The following SLC8A1 variants were observed in gnomAD, a reference collection of about 807,000 sequenced individuals.
SLC8A1 encodes the protein solute carrier family 8 member A1.
SLC8A1 carries 18 observed loss-of-function variants against 68.3 expected under a neutral mutation model. The ratio of observed to expected loss-of-function variants is 0.26; its 90% confidence interval spans 0.18 to 0.39. The LOEUF (loss-of-function observed/expected upper bound fraction) is 0.39. Ranked by LOEUF, SLC8A1 falls within the 10% of genes least tolerant of loss-of-function variation. The probability of loss-of-function intolerance (pLI) is 1.00; values close to 1 mark genes in which losing one functional copy is unlikely to be tolerated. For missense variants in SLC8A1, 985 were observed against 1,156.7 expected, an observed-to-expected ratio of 0.85 and a Z score of 2.15; for synonymous variants, 475 against 415.5, an observed-to-expected ratio of 1.14 and a Z score of -1.74.
chr2:40,153,420 A>C (rs1487554190), intron 6 of SLC8A1, among the ~76,000 whole-genome samples: 1 of 152,244 alleles, frequency 6.6e-6, no homozygotes, highest in Non-Finnish European at 1.5e-5. Context: ...CAACAAATAA[A>C]GAATTTAAAC....
rs564168848 is a variant in SLC8A1, at chr2:40,442,879, A to C, written c.-25+9025T>G. On this transcript the variant is annotated intron_variant, in intron 1 of 7. Coordinates refer to ENST00000406785, the Ensembl canonical transcript of SLC8A1. ...CAAATGCCCATCAACGAGAGGCTGG[A>C]TAAAGAAAATTTGGTACATAGACAC... Among the ~76,000 whole-genome samples, 3 of 152,334 alleles carry C rather than the reference A, an allele frequency of 2.0e-5. No individual in the cohort carries two copies. In the South Asian group the frequency reaches 6.2e-4, roughly 32 times the overall value.
rs533394215 is a variant in SLC8A1 at position 40,205,840 on chromosome 2, T to C, written c.1809-27985A>G. ...TGAAAAAAAAAAAAAAAAGAAAAAG[T>C]CTTCTCCTAAATTTAGGCAACATTC... On this transcript the variant is annotated intron_variant, in intron 2 of 7. Coordinates refer to ENST00000406785, the Ensembl canonical transcript of SLC8A1. Among the ~76,000 whole-genome samples, 27 of 145,160 alleles carry C rather than the reference T, an allele frequency of 1.9e-4. No individual in the cohort carries two copies. The East Asian group carries it at 5.3e-3, about 28-fold the overall frequency.
chr2:40,483,056 G>A (rs979831761), intron 1 of SLC8A1, among the ~76,000 whole-genome samples: 8 of 150,520 alleles, frequency 5.3e-5, no homozygotes, highest in African/African-American at 2.0e-4. Flanking sequence ...CGCCCGCCTC[G>A]GGCTCCCAAA....
chr2:40,262,544 TG>T (rs377262898), intron 2 of SLC8A1, among the ~76,000 whole-genome samples: 9 of 152,322 alleles, frequency 5.9e-5, no homozygotes, highest in Admixed American at 2.0e-4. Context: ...TCTATTGGTT[TG>T]TAAACCATCT....
chr2:40,446,442 G>A (rs532156453), intron 1 of SLC8A1: 1 of 152,314 alleles, frequency 6.6e-6, no homozygotes, highest in Non-Finnish European at 1.5e-5. Context: ...GGGGCTCTTT[G>A]ACATGTTTCA....
chr2:40,315,149 T>C (rs575654466), intron 2 of SLC8A1, among the ~76,000 whole-genome samples: 5 of 152,130 alleles, frequency 3.3e-5, no homozygotes, highest in South Asian at 4.1e-4. Flanking sequence ...CTTTATTAGG[T>C]TGAAGAAGTT....
Position 40,116,222 on chromosome 2 carries a change from A to T in SLC8A1, c.2438-593T>A, listed in dbSNP as rs2035335424. On this transcript the variant is annotated intron_variant, in intron 7 of 7. Coordinates refer to ENST00000406785, the Ensembl canonical transcript of SLC8A1. ...GTGGAATTGAAAACAATTGAACTAT[A>T]ATAGAGTAGCTGACATTTGCTTAGA... Among the ~76,000 whole-genome samples the T allele has an allele frequency of 2.0e-5, 3 of 152,260 alleles. No homozygotes were observed. In the South Asian group the frequency reaches 6.2e-4, roughly 32 times the overall value.
At chr2:40,292,613 T>C (rs1164053324) in intron 2 of SLC8A1, among the ~76,000 whole-genome samples, 1 of 152,152 alleles carries the variant, frequency 6.6e-6, no homozygotes, top group Non-Finnish European at 1.5e-5. Context: ...TGGAGAGAAG[T>C]GCACCCACAG....
At chr2:40,412,380 A>G (rs1461305785) in intron 2 of SLC8A1, among the ~76,000 whole-genome samples, 2 of 152,108 alleles carry the variant, frequency 1.3e-5, no homozygotes, top group Non-Finnish European at 2.9e-5. Context: ...GGGATATTAC[A>G]TCTATTTTGT....
chr2:40,225,252 G>A (rs1313511540), intron 2 of SLC8A1, among the ~76,000 whole-genome samples: 3 of 152,074 alleles, frequency 2.0e-5, no homozygotes, highest in South Asian at 2.1e-4. Flanking sequence ...GTGGGCATAC[G>A]ACCTTGCTAA....
chr2:40,455,789 T>G (rs1033554993), upstream of SLC8A1, among the ~76,000 whole-genome samples: 1 of 152,230 alleles, frequency 6.6e-6, no homozygotes, highest in Non-Finnish European at 1.5e-5. Flanking sequence ...CTTTTACTTC[T>G]CTGTTTTGTT....
At position 40,164,983 on chromosome 2, in the gene SLC8A1, G is replaced by A. The variant is rs148845964; in HGVS notation, c.1932C>T (p.Asp644=). The A allele has an allele frequency of 4.7e-5, 76 of 1,613,692 alleles. No individual in the cohort carries two copies. In the African/African-American group the frequency reaches 7.2e-4, roughly 15 times the overall value. Residue 644 remains aspartate, a splice_region_variant and synonymous_variant, in exon 5 of 8, where the codon GAC becomes GAT. Transcript: ENST00000406785. Reference sequence around the variant, plus strand: ...TCAGTGGCTGCTTGTCATCATATTCGTCTGTGAAACGGAAGTATCAGAGAG... The same window carrying A: ...TCAGTGGCTGCTTGTCATCATATTCATCTGTGAAACGGAAGTATCAGAGAG...
chr2:40,479,423 G>A (rs937753720), intron 1 of SLC8A1, among the ~76,000 whole-genome samples: 2 of 152,090 alleles, frequency 1.3e-5, no homozygotes, highest in Non-Finnish European at 2.9e-5. Context: ...TTCTGATCAT[G>A]CATTTTCTCT....
At chr2:40,342,684 A>G (rs1183456976) in intron 2 of SLC8A1, among the ~76,000 whole-genome samples, 1 of 152,156 alleles carries the variant, frequency 6.6e-6, no homozygotes, top group African/African-American at 2.4e-5. Context: ...TAATAATTGG[A>G]ATATACACTA....
chr2:40,333,163 G>A (rs2149381171), intron 2 of SLC8A1, among the ~76,000 whole-genome samples: 1 of 152,270 alleles, frequency 6.6e-6, no homozygotes, highest in Non-Finnish European at 1.5e-5. Flanking sequence ...TTTAGGCCGG[G>A]TGCGGTGGCT....
intron 2 of SLC8A1, among the ~76,000 whole-genome samples, chr2:40,363,617 T>G (rs1441105014): frequency 1.3e-5 from 2 of 152,268 alleles, no homozygotes; most frequent in East Asian, 3.9e-4. Context: ...TCAGTAGTTA[T>G]TTATTTATAC....
intron 2 of SLC8A1, among the ~76,000 whole-genome samples, chr2:40,184,855 G>C (rs1003676057): frequency 8.1e-6 from 1 of 123,116 alleles, no homozygotes; most frequent in Admixed American, 9.9e-5. Flanking sequence ...AAAGCTTCAG[G>C]ATAAACTCCT....
At chr2:40,150,153 A>G (rs2043158193) in intron 6 of SLC8A1, among the ~76,000 whole-genome samples, 1 of 151,966 alleles carries the variant, frequency 6.6e-6, no homozygotes, top group African/African-American at 2.4e-5. Flanking sequence ...GCCATAAGAC[A>G]CAACACCCAG....
At chr2:40,217,096 TTC>T (rs1475643119) in intron 2 of SLC8A1, among the ~76,000 whole-genome samples, 1 of 152,234 alleles carries the variant, frequency 6.6e-6, no homozygotes, top group African/African-American at 2.4e-5. Flanking sequence ...TGCCTAGGTT[TTC>T]TTTTAGGGTT....
Sources: gnomAD v4.1 joint callset for allele counts (sites outside exome capture counted in the v4.1 genomes callset) on GRCh38, gnomAD v4.1.1 for gene constraint, MANE v1.5 for transcripts, NCBI Gene and HGNC (gene_info 2026-07-23, HGNC 2026-07-21) for gene names.